The following LMTK3 variants were observed in gnomAD, a reference collection of about 807,000 sequenced individuals.
LMTK3 encodes lemur tail kinase 3.
A neutral mutation model predicts 116.7 loss-of-function variants in LMTK3; 27 were observed. The observed-to-expected ratio is 0.23, with a 90% CI of 0.17 to 0.32. The LOEUF is 0.32. Among genes scored for constraint, LMTK3 ranks in the 10% least tolerant of loss-of-function variants. The pLI is 1.00. For synonymous variants in LMTK3, 965 were observed against 971.0 expected, an observed-to-expected ratio of 0.99 and a Z score of 0.11; for missense variants, 1,764 against 2,068.5, an observed-to-expected ratio of 0.85 and a Z score of 2.86.
intron 4 of LMTK3, 124 bp from the exon 5 acceptor site, chr19:48,509,093 C>A: frequency 1.5e-6 from 1 of 657,418 alleles, no homozygotes; most frequent in Non-Finnish European, 2.6e-6. Flanking sequence ...CTCCACATCC[C>A]ACCACCCTTG....
chr19:48,499,210 G>T lies in LMTK3; in HGVS notation c.1859C>A (p.Thr620Asn). 7.1e-7 allele frequency: 1 copy of T among 1,410,100 alleles called. No individual in the cohort carries two copies. The highest frequency in any genetic ancestry group is 9.3e-7 in the Non-Finnish European group (1 of 1,076,970). The allele number at this position is 1,410,100 out of a possible 1,614,324, so 87.3% of individuals were successfully genotyped here. ...WDPEGRGAGE[T>N]LAGDPAEVLG... Reference sequence around the variant, plus strand: ...GACCTCGGCAGGGTCTCCCGCCAGGGTCTCCCCGGCGCCCCGGCCCTCGGG... The same window carrying T: ...GACCTCGGCAGGGTCTCCCGCCAGGTTCTCCCCGGCGCCCCGGCCCTCGGG... The change falls in exon 11 of 15, where the codon ACC becomes AAC. Residue 620 changes from threonine to asparagine, a missense_variant. Physicochemically the swap from Thr to Asn is moderately conservative, Grantham distance 65. Around this residue, in one of 7 missense-constraint regions of LMTK3, gnomAD observed 1,028 missense variants for 1,050.6 expected, o/e 0.98. Coordinates refer to ENST00000600059, the MANE Select transcript of LMTK3 (RefSeq NM_001388485.1).
At chr19:48,509,100 C>T (rs908527652) in intron 4 of LMTK3, 131 bp from the exon 5 acceptor site, 30 of 639,680 alleles carry the variant, frequency 4.7e-5, no homozygotes, top group Non-Finnish European at 7.1e-5. Flanking sequence ...TCCCACCACC[C>T]TTGACCCCCA....
chr19:48,508,779 C>T (rs1972610315), intron 5 of LMTK3, 72 bp downstream of exon 5: 1 of 1,154,200 alleles, frequency 8.7e-7, no homozygotes, highest in Admixed American at 1.7e-5. Context: ...CAGGTGTGAC[C>T]CCATACAGCA....
intron 4 of LMTK3, 68 bp from the exon 5 acceptor site, chr19:48,509,037 A>T (rs1465445310): frequency 2.0e-6 from 2 of 1,014,284 alleles, no homozygotes; most frequent in Non-Finnish European, 3.0e-6. Context: ...GACCAGCTCC[A>T]CTCCACCACA....
chr19:48,511,558 G>C lies in LMTK3; in HGVS notation c.19C>G (p.Leu7Val). 6.9e-7 allele frequency: 1 copy of C among 1,443,050 alleles called. No individual in the cohort carries two copies. The highest frequency in any genetic ancestry group is 9.2e-7 in the Non-Finnish European group (1 of 1,085,352). 89.4% of individuals were successfully genotyped at this position (1,443,050 alleles called of 1,614,324 possible). MPAPGA[L>V]ILLAAVSASG... ...GCGGAGACGGCCGCAAGGAGGATGA[G>C]GGCGCCGGGGGCAGGCATCTTGTCG... The change falls in exon 1 of 15, where the codon CTC becomes GTC. Residue 7 changes from leucine to valine, a missense_variant. This residue lies in a region of LMTK3 where 66 missense variants were observed against 61.1 expected (regional missense o/e 1.08). Transcript: ENST00000600059.
rs1368774611 is a variant in LMTK3, at chr19:48,499,162, G to T, written c.1907C>A (p.Pro636Gln). 1 of 1,512,384 alleles carries T rather than the reference G, an allele frequency of 6.6e-7. No homozygotes were observed. The highest frequency in any genetic ancestry group is 8.8e-7 in the Non-Finnish European group (1 of 1,130,100). The allele number at this position is 1,512,384 out of a possible 1,614,324, so 93.7% of individuals were successfully genotyped here. The change falls in exon 11 of 15, where the codon CCG (proline) becomes CAG (glutamine). Residue 636 changes from proline (P) to glutamine (Q), a missense_variant. By Grantham distance (76) the Pro-to-Gln change is moderately conservative. This residue lies in a region of LMTK3 where 1,028 missense variants were observed against 1,050.6 expected (regional missense o/e 0.98). Coordinates refer to ENST00000600059, the MANE Select transcript of LMTK3 (RefSeq NM_001388485.1). ...CTCCTCCTCTTCTTCTTCCACCCAC[G>T]GGGCGGTCCCCCGCTCCCCCAAGAC... ...AEVLGERGTA[P>Q]WVEEEEEEEE...
intron 14 of LMTK3, among the ~76,000 whole-genome samples, chr19:48,487,394 C>T (rs1236577375): frequency 2.0e-5 from 3 of 152,110 alleles, no homozygotes; most frequent in African/African-American, 7.2e-5. Flanking sequence ...CGGCTGGTCT[C>T]GAACTCCTGA....
Position 48,485,402 on chromosome 19 carries a change from C to T in LMTK3, c.*371G>A, listed in dbSNP as rs890146332. ...ACGCGAAATGGGGGGTCCGGGTCCC[C>T]GAAGCCTGCGGCCCCTGTCTTGGGC... On this transcript the variant is annotated 3_prime_UTR_variant, in exon 15 of 15. Transcript: ENST00000600059. 3 of 210,598 alleles carry T rather than the reference C, an allele frequency of 1.4e-5. No homozygotes were observed. The highest frequency in any genetic ancestry group is 2.9e-5 in the Non-Finnish European group (3 of 104,546). 13.0% of individuals were successfully genotyped at this position (210,598 alleles called of 1,614,324 possible).
rs1424113690 is a variant in LMTK3 at position 48,498,820 on chromosome 19, G to A, written c.2249C>T (p.Pro750Leu). Residue 750 changes from proline (P) to leucine (L), a missense_variant, in exon 11 of 15, where the codon CCT becomes CTT. This residue lies in a region of LMTK3 where 1,028 missense variants were observed against 1,050.6 expected (regional missense o/e 0.98). Transcript: ENST00000600059. ...AAPQYPGRGP[P>L]PAPPPPPPPP... The stretch of plus-strand genomic sequence containing the variant: ...TGGCGGCGGGGGGGGGGGAGCGGGA[G>A]GTGGCCCCCGCCCGGGGTACTGGGG... 1.4e-5 allele frequency: 18 copies of A among 1,250,180 alleles called. No individual in the cohort carries two copies. Among genetic ancestry groups the A allele is most frequent in the Non-Finnish European group, 1.9e-5 (18 of 970,938 alleles). 77.4% of individuals were successfully genotyped at this position (1,250,180 alleles called of 1,614,324 possible). A position where few individuals can be genotyped will look rare whatever the true frequency, so the allele number is the denominator to read the frequency against.
Position 48,498,788 on chromosome 19 carries a change from G to A in LMTK3, c.2281C>T (p.Arg761Trp). The A allele has an allele frequency of 3.2e-6, 4 of 1,237,082 alleles. No homozygotes were observed. The highest frequency in any genetic ancestry group is 4.2e-6 in the Non-Finnish European group (4 of 947,910). 76.6% of individuals were successfully genotyped at this position (1,237,082 alleles called of 1,614,324 possible). A position where few individuals can be genotyped will look rare whatever the true frequency, so the allele number is the denominator to read the frequency against. Residue 761 changes from arginine (R) to tryptophan (W), a missense_variant, in exon 11 of 15, where the codon CGG (arginine) becomes TGG (tryptophan). Physicochemically the swap from Arg to Trp is moderately radical, Grantham distance 101. Transcript: ENST00000600059. ...GACGCGGCCGGGTCCGCGGGGGCCC[G>A]AGGAGGTGGCGGCGGGGGGGGGGGA... is the stretch of plus-strand genomic sequence containing the variant. Reference protein sequence around the residue: ...PAPPPPPPPPRAPADPAASPD... With the variant: ...PAPPPPPPPPWAPADPAASPD...
chr19:48,508,799 C>G, intron 5 of LMTK3, 52 bp downstream of exon 5: 1 of 1,380,718 alleles, frequency 7.2e-7, no homozygotes. Context: ...ACTCCTTCCA[C>G]TCCTGAATGT....
chr19:48,498,811 G>T lies in LMTK3; in HGVS notation c.2258C>A (p.Pro753His). 2.6e-6 allele frequency: 3 copies of T among 1,153,174 alleles called. No individual in the cohort carries two copies. Among genetic ancestry groups the T allele is most frequent in the Non-Finnish European group, 3.4e-6 (3 of 881,554 alleles). 71.4% of individuals were successfully genotyped at this position (1,153,174 alleles called of 1,614,324 possible). The change falls in exon 11 of 15, where the codon CCC (proline) becomes CAC (histidine). Residue 753 changes from proline to histidine, a missense_variant. Transcript: ENST00000600059. ...QYPGRGPPPAPPPPPPPPRAP... is the reference protein window; with the variant it reads ...QYPGRGPPPAHPPPPPPPRAP... ...CCGAGGAGGTGGCGGCGGGGGGGGG[G>T]GAGCGGGAGGTGGCCCCCGCCCGGG...
At position 48,491,307 on chromosome 19, in the gene LMTK3, T is replaced by C. The variant is rs1972218555; in HGVS notation, c.4229-62A>G. 4 of 1,338,650 alleles carry C rather than the reference T, an allele frequency of 3.0e-6. No homozygotes were observed. The highest frequency in any genetic ancestry group is 3.8e-6 in the Non-Finnish European group (4 of 1,042,016). 82.9% of individuals were successfully genotyped at this position (1,338,650 alleles called of 1,614,324 possible). On this transcript the variant is annotated intron_variant, in intron 13 of 14. Coordinates refer to ENST00000600059, the MANE Select transcript of LMTK3 (RefSeq NM_001388485.1). This position sits in a 1 kb window ranked among gnomAD's most constrained non-coding sequence, Gnocchi z 5.1. The stretch of plus-strand genomic sequence containing the variant: ...CACCTGCGGCACTCCCGCCCTCTGG[T>C]CCCGCCCCTCCCGACCAAGCCCCTC...
At position 48,510,522 on chromosome 19, in the gene LMTK3, C is replaced by T; in HGVS notation, c.147G>A (p.Leu49=). 1 of 1,598,434 alleles carries T rather than the reference C, an allele frequency of 6.3e-7. No individual in the cohort carries two copies. Among genetic ancestry groups the T allele is most frequent in the Non-Finnish European group, 8.5e-7 (1 of 1,172,864 alleles). Reference sequence around the variant, plus strand: ...TGAGGAGGAGGAAGATGAAGGCCAGCAGGCCGGAGCAGGAAATGAGGACCA... The same window carrying T: ...TGAGGAGGAGGAAGATGAAGGCCAGTAGGCCGGAGCAGGAAATGAGGACCA... The part of the protein sequence containing the change: ...YAVVLISCSG[L]LAFIFLLLTC... The change falls in exon 2 of 15, where the codon CTG becomes CTA. Residue 49 remains leucine (L), a synonymous_variant. Coordinates refer to ENST00000600059, the MANE Select transcript of LMTK3 (RefSeq NM_001388485.1).
chr19:48,502,727 C>A, intron 6 of LMTK3, 146 bp from the exon 7 acceptor site: 1 of 1,072,272 alleles, frequency 9.3e-7, no homozygotes, highest in Non-Finnish European at 1.3e-6. Context: ...AATAACACAG[C>A]CCATCTTGCC....
At chr19:48,509,074 A>G in intron 4 of LMTK3, 105 bp from the exon 5 acceptor site, 1 of 725,534 alleles carries the variant, frequency 1.4e-6, no homozygotes, top group Non-Finnish European at 2.3e-6. Flanking sequence ...GCTCCTTCCC[A>G]GCTTCTCCCT....
intron 5 of LMTK3, among the ~76,000 whole-genome samples, chr19:48,506,853 A>G (rs1009530218): frequency 2.0e-5 from 3 of 152,072 alleles, no homozygotes; most frequent in African/African-American, 4.8e-5. Flanking sequence ...TTTAGTAGAG[A>G]TGGGGTTTCA....
intron 5 of LMTK3, among the ~76,000 whole-genome samples, chr19:48,505,230 C>T (rs1044903980): frequency 2.0e-5 from 3 of 149,914 alleles, no homozygotes; most frequent in Non-Finnish European, 4.4e-5. Flanking sequence ...TCTCCTGCCT[C>T]ATCCTCCTGA....
At position 48,485,788 on chromosome 19, in the gene LMTK3, G is replaced by A. The variant is rs1191987213; in HGVS notation, c.4368C>T (p.Gly1456=). ...PARAPDARPA[G]PVEN is the part of the protein sequence containing the mutation. ...CTTCGGGGAATCAATTCTCCACGGG[G>A]CCTGAGGATGGACAGAGGAGACAGA... is the stretch of plus-strand genomic sequence containing the variant. Residue 1456 remains glycine, a splice_region_variant and synonymous_variant, in exon 15 of 15, where the codon GGC becomes GGT. Transcript: ENST00000600059. The A allele has an allele frequency of 1.9e-6, 3 of 1,610,218 alleles. No individual in the cohort carries two copies. Among genetic ancestry groups the A allele is most frequent in the African/African-American group, 2.7e-5 (2 of 74,754 alleles).
Sources: gnomAD v4.1 joint callset for allele counts (sites outside exome capture counted in the v4.1 genomes callset) on GRCh38, gnomAD v4.1.1 for gene constraint, gnomAD v4.1.1 regional missense constraint, Gnocchi (gnomAD v3.1) non-coding constraint, MANE v1.5 for transcripts, NCBI Gene and HGNC (gene_info 2026-07-23, HGNC 2026-07-21) for gene names.